SIMC1: variants seen among roughly 807,000 people sequenced by gnomAD.
The protein encoded by SIMC1 is SUMO-interacting motif-containing protein 1.
A neutral mutation model predicts 82.3 loss-of-function variants in SIMC1; 55 were observed. That is an observed-to-expected ratio of 0.67 (90% CI 0.54 to 0.84). The LOEUF is 0.84. SIMC1 is among the 40% of genes least tolerant of loss of function. The pLI, the probability that SIMC1 is intolerant of heterozygous loss-of-function variation, is 0.00. For synonymous variants in SIMC1, 353 were observed against 426.3 expected (o/e 0.83, Z 2.12); for missense variants, 915 against 1,107.2 (o/e 0.83, Z 2.46).
intron 1 of SIMC1, among the ~76,000 whole-genome samples, chr5:176,272,479 G>C (rs1561682622): frequency 6.6e-6 from 1 of 152,118 alleles, no homozygotes; most frequent in Non-Finnish European, 1.5e-5. Flanking sequence ...TTCCGCAGTG[G>C]CCATATAGGA....
At chr5:176,294,798 TA>T in intron 2 of SIMC1, 1 of 443,866 alleles carries the variant, frequency 2.3e-6, no homozygotes, top group East Asian at 5.1e-5. Flanking sequence ...CTGTCTTTAC[TA>T]AAAATACAAA....
intron 1 of SIMC1, among the ~76,000 whole-genome samples, chr5:176,250,809 G>C (rs1761625469): frequency 6.6e-6 from 1 of 152,000 alleles, no homozygotes; most frequent in African/African-American, 2.4e-5. Context: ...CTTTCCATTT[G>C]CTTGGTAATT....
intron 1 of SIMC1, among the ~76,000 whole-genome samples, chr5:176,253,635 T>A (rs1761762375): frequency 6.6e-6 from 1 of 152,170 alleles, no homozygotes; most frequent in Non-Finnish European, 1.5e-5. Flanking sequence ...TTAGCCACGT[T>A]TGAGCAACAA....
At chr5:176,303,225 G>A (rs374025255) in intron 4 of SIMC1, among the ~76,000 whole-genome samples, 15 of 144,834 alleles carry the variant, frequency 1.0e-4, no homozygotes, top group Admixed American at 9.8e-4. Context: ...CTGAGATCAC[G>A]CCACTGCATT....
At chr5:176,327,211 G>A (rs1209471396) in intron 7 of SIMC1, among the ~76,000 whole-genome samples, 1 of 152,082 alleles carries the variant, frequency 6.6e-6, no homozygotes, top group Admixed American at 6.6e-5. Context: ...ACAAAACCTG[G>A]CCCTACTTTA....
At chr5:176,307,609 C>G (rs908229486) in intron 4 of SIMC1, among the ~76,000 whole-genome samples, 8 of 152,092 alleles carry the variant, frequency 5.3e-5, no homozygotes, top group Non-Finnish European at 8.8e-5. Context: ...ACTGTGTTAG[C>G]CAGGATGGTC....
chr5:176,256,949 G>A (rs890246608), intron 1 of SIMC1, among the ~76,000 whole-genome samples: 1 of 152,076 alleles, frequency 6.6e-6, no homozygotes, highest in Non-Finnish European at 1.5e-5. Flanking sequence ...TAGAGACAGG[G>A]TCTCACTATG....
intron 1 of SIMC1, among the ~76,000 whole-genome samples, chr5:176,279,174 G>C (rs1010347539): frequency 6.6e-6 from 1 of 152,062 alleles, no homozygotes; most frequent in Admixed American, 6.6e-5. Flanking sequence ...CTGGTTTAGT[G>C]TTGGGAGAGT....
Position 176,308,311 on chromosome 5 carries a change from C to G in SIMC1, c.1735-5380C>G, listed in dbSNP as rs1247919910. 6.2e-6 allele frequency: 9 copies of G among 1,456,664 alleles called. No homozygotes were observed. In the African/African-American group the frequency reaches 1.1e-4, roughly 18 times the overall value. The allele number at this position is 1,456,664 out of a possible 1,614,324, so 90.2% of individuals were successfully genotyped here. ...GTTCTGTCATCATCTTAACGACGTT[C>G]TGATAAGAGGAAGGACCAAGTAGAA... On this transcript the variant is annotated intron_variant, in intron 4 of 9. Coordinates refer to ENST00000429602, the MANE Select transcript of SIMC1 (RefSeq NM_001308195.2).
chr5:176,288,324 C>T (rs571136348), intron 1 of SIMC1, among the ~76,000 whole-genome samples: 89 of 152,172 alleles, frequency 5.8e-4, no homozygotes, highest in African/African-American at 1.9e-3. Context: ...AGGAGAATCA[C>T]GTGAACCCAG....
chr5:176,255,786 T>C (rs1184236978), intron 1 of SIMC1, among the ~76,000 whole-genome samples: 2 of 145,580 alleles, frequency 1.4e-5, no homozygotes, highest in East Asian at 2.0e-4. Flanking sequence ...AGAATCAGGA[T>C]ATACTGGAGG....
chr5:176,342,559 C>T (rs1252335615), intron 9 of SIMC1, among the ~76,000 whole-genome samples: 2 of 152,180 alleles, frequency 1.3e-5, no homozygotes, highest in African/African-American at 4.8e-5. Context: ...GGGCTGCACC[C>T]GGGAAGGACT....
intron 7 of SIMC1, among the ~76,000 whole-genome samples, chr5:176,325,812 C>G (rs62405173): frequency 0.011 from 1,616 of 152,200 alleles, 23 homozygotes; most frequent in Non-Finnish European, 0.019. Flanking sequence ...TCACTAAAGG[C>G]TTGGTGGGTG....
chr5:176,277,509 G>A (rs558890382), intron 1 of SIMC1, among the ~76,000 whole-genome samples: 116 of 151,858 alleles, frequency 7.6e-4, no homozygotes, highest in African/African-American at 1.1e-3. Flanking sequence ...TGTTTTAGAC[G>A]TGAAGTCCTT....
chr5:176,322,132 C>G (rs1765188989), intron 5 of SIMC1, 141 bp from the exon 6 acceptor site: 1 of 904,704 alleles, frequency 1.1e-6, no homozygotes, highest in African/African-American at 1.7e-5. Context: ...GTAGGGAAAT[C>G]CAGGGATCTG....
At chr5:176,271,651 G>A (rs1204408047) in intron 1 of SIMC1, among the ~76,000 whole-genome samples, 1 of 151,306 alleles carries the variant, frequency 6.6e-6, no homozygotes, top group Non-Finnish European at 1.5e-5. Context: ...ATAAGATCTA[G>A]TATTTGATAG....
At chr5:176,275,446 T>A (rs527523330) in intron 1 of SIMC1, among the ~76,000 whole-genome samples, 1 of 152,026 alleles carries the variant, frequency 6.6e-6, no homozygotes, top group South Asian at 2.1e-4. Flanking sequence ...CCTCTTTTCC[T>A]AATTGAATAC....
intron 9 of SIMC1, among the ~76,000 whole-genome samples, chr5:176,339,611 G>A (rs771599084): frequency 1.3e-4 from 20 of 152,022 alleles, no homozygotes; most frequent in Non-Finnish European, 2.5e-4. Flanking sequence ...TTTGATTCCC[G>A]GGGAATACAC....
At chr5:176,261,271 T>G (rs1274455645) in intron 1 of SIMC1, 1 of 152,104 alleles carries the variant, frequency 6.6e-6, no homozygotes, top group Non-Finnish European at 1.5e-5. Flanking sequence ...CCTCCTAAAG[T>G]GCTGGGATTA....
Sources: gnomAD v4.1 joint callset for allele counts (sites outside exome capture counted in the v4.1 genomes callset) on GRCh38, gnomAD v4.1.1 for gene constraint, MANE v1.5 for transcripts, NCBI Gene and HGNC (gene_info 2026-07-23, HGNC 2026-07-21) for gene names.